ARHGAP15: variants seen among roughly 807,000 people sequenced by gnomAD.
The protein encoded by ARHGAP15 is Rho GTPase activating protein 15.
ARHGAP15 carries 51 observed loss-of-function variants against 63.7 expected under a neutral mutation model. The observed-to-expected ratio is 0.80, with a 90% CI of 0.64 to 1.01. The LOEUF (loss-of-function observed/expected upper bound fraction) is 1.01. Among genes scored for constraint, ARHGAP15 ranks in the 50% least tolerant of loss-of-function variants. The pLI, the probability that ARHGAP15 is intolerant of heterozygous loss-of-function variation, is 0.00. For missense variants in ARHGAP15, 560 were observed against 564.6 expected, an observed-to-expected ratio of 0.99 and a Z score of 0.08; for synonymous variants, 191 against 193.8, an observed-to-expected ratio of 0.99 and a Z score of 0.12.
At chr2:143,326,791 C>A (rs1439356742) in intron 6 of ARHGAP15, among the ~76,000 whole-genome samples, 1 of 152,094 alleles carries the variant, frequency 6.6e-6, no homozygotes, top group Non-Finnish European at 1.5e-5. Context: ...TTATGACAAG[C>A]CCACAGCCAA....
intron 3 of ARHGAP15, among the ~76,000 whole-genome samples, chr2:143,214,511 T>C (rs891625405): frequency 5.9e-5 from 9 of 151,950 alleles, no homozygotes; most frequent in African/African-American, 1.9e-4. Flanking sequence ...TAGAATAAAA[T>C]GTGGAAAAAG....
intron 12 of ARHGAP15, among the ~76,000 whole-genome samples, chr2:143,670,589 C>A (rs1682469214): frequency 6.6e-6 from 1 of 152,152 alleles, no homozygotes; most frequent in African/African-American, 2.4e-5. Flanking sequence ...CTGTTGGCAT[C>A]CTGCTCTTTG....
intron 3 of ARHGAP15, among the ~76,000 whole-genome samples, chr2:143,214,394 A>T (rs1422433458): frequency 6.6e-6 from 1 of 152,216 alleles, no homozygotes; most frequent in Non-Finnish European, 1.5e-5. Context: ...TCTTCCAAAC[A>T]TTTGTGGATA....
At chr2:143,490,869 C>G (rs993166197) in intron 9 of ARHGAP15, among the ~76,000 whole-genome samples, 1 of 152,162 alleles carries the variant, frequency 6.6e-6, no homozygotes. Context: ...CTCAAATGAT[C>G]TGCCTGCCTT....
chr2:143,141,680 G>A (rs993812001), intron 1 of ARHGAP15, among the ~76,000 whole-genome samples: 3 of 152,128 alleles, frequency 2.0e-5, no homozygotes, highest in Non-Finnish European at 4.4e-5. Flanking sequence ...AATGTCTGAC[G>A]ATCCTCTTTC....
intron 11 of ARHGAP15, among the ~76,000 whole-genome samples, chr2:143,607,336 A>C (rs1698077786): frequency 6.6e-6 from 1 of 152,220 alleles, no homozygotes; most frequent in African/African-American, 2.4e-5. Context: ...AACATTTGCC[A>C]GGAAAACTTT....
intron 11 of ARHGAP15, among the ~76,000 whole-genome samples, chr2:143,622,221 G>A (rs1183785369): frequency 3.3e-5 from 5 of 152,142 alleles, no homozygotes; most frequent in Non-Finnish European, 7.4e-5. Context: ...AAAAGATAAA[G>A]TAAGAATTGG....
At chr2:143,737,754 ATTTATTTATTTATTTT>A (rs898014417) in intron 13 of ARHGAP15, among the ~76,000 whole-genome samples, 3 of 150,656 alleles carry the variant, frequency 2.0e-5, no homozygotes, top group African/African-American at 7.3e-5. Context: ...TTATTTATTT[ATTTATTTATTTATTTT>A]TTGAGATGGA....
rs760407850 is a variant in ARHGAP15 at position 143,287,313 on chromosome 2, C to CA, written c.474+36713_474+36714insA. ...CTTAATCTAATTATCTGTTCTCGTA[C>CA]TACTTAGGACAAGCGCTTTCTTCCT... On this transcript the variant is annotated intron_variant, in intron 6 of 13. Coordinates refer to ENST00000295095, the MANE Select transcript of ARHGAP15 (RefSeq NM_018460.4). Among the ~76,000 whole-genome samples, 15 of 152,276 alleles carry CA rather than the reference C, an allele frequency of 9.9e-5. 1 individual carries two copies. The South Asian group carries it at 1.9e-3, about 19-fold the overall frequency.
intron 8 of ARHGAP15, among the ~76,000 whole-genome samples, chr2:143,460,368 A>AT (rs1274357420): frequency 6.6e-6 from 1 of 152,070 alleles, no homozygotes; most frequent in East Asian, 1.9e-4. Context: ...TACAATATGT[A>AT]TTTTTTGCTA....
chr2:143,595,823 G>A (rs1697495370), intron 11 of ARHGAP15, among the ~76,000 whole-genome samples: 1 of 152,026 alleles, frequency 6.6e-6, no homozygotes, highest in Non-Finnish European at 1.5e-5. Context: ...TTGCAGAAGA[G>A]TATCTGAAAC....
chr2:143,503,766 G>A (rs1337818998), intron 9 of ARHGAP15, among the ~76,000 whole-genome samples: 1 of 152,240 alleles, frequency 6.6e-6, no homozygotes, highest in Non-Finnish European at 1.5e-5. Flanking sequence ...ATCCAATGAT[G>A]AGGATGAAGA....
chr2:143,134,925 G>A (rs993692234), intron 1 of ARHGAP15, among the ~76,000 whole-genome samples: 13 of 152,020 alleles, frequency 8.6e-5, no homozygotes, highest in Admixed American at 4.6e-4. Context: ...GCGTGAGAGC[G>A]CGCCCAGCCT....
chr2:143,437,369 C>T (rs979793064), intron 8 of ARHGAP15: 1 of 239,730 alleles, frequency 4.2e-6, no homozygotes, highest in African/African-American at 2.3e-5. Context: ...ACCCTGGTAT[C>T]CTGACTATTT....
At chr2:143,766,767 G>A (rs1219003539) in intron 13 of ARHGAP15, 3 of 152,200 alleles carry the variant, frequency 2.0e-5, no homozygotes, top group Non-Finnish European at 4.4e-5. Flanking sequence ...TGTTCCAATA[G>A]ATGGCAATCT....
At chr2:143,485,605 C>A (rs985263848) in intron 8 of ARHGAP15, among the ~76,000 whole-genome samples, 9 of 152,032 alleles carry the variant, frequency 5.9e-5, no homozygotes, top group African/African-American at 2.2e-4. Context: ...GGAAGTAATT[C>A]TGTACCCCAA....
chr2:143,380,156 T>C (rs564288349), intron 6 of ARHGAP15, among the ~76,000 whole-genome samples: 1 of 152,240 alleles, frequency 6.6e-6, no homozygotes, highest in Admixed American at 6.5e-5. Flanking sequence ...TGAGTTCTAA[T>C]GTAATATGTT....
chr2:143,416,733 C>T (rs1445686112), intron 6 of ARHGAP15, among the ~76,000 whole-genome samples: 2 of 152,152 alleles, frequency 1.3e-5, no homozygotes, highest in South Asian at 2.1e-4. Context: ...AACGCAAACA[C>T]AGTAACACAA....
At chr2:143,455,840 A>G (rs964823489) in intron 8 of ARHGAP15, among the ~76,000 whole-genome samples, 1 of 152,066 alleles carries the variant, frequency 6.6e-6, no homozygotes, top group African/African-American at 2.4e-5. Flanking sequence ...TAATAAATCA[A>G]AATGCTCCAA....
Sources: gnomAD v4.1 joint callset for allele counts (sites outside exome capture counted in the v4.1 genomes callset) on GRCh38, gnomAD v4.1.1 for gene constraint, MANE v1.5 for transcripts, NCBI Gene and HGNC (gene_info 2026-07-23, HGNC 2026-07-21) for gene names.